Variants in TAS2R1 observed in about 807,000 individuals in gnomAD.
TAS2R1 encodes taste 2 receptor member 1.
For missense variants in TAS2R1, 370 were observed against 353.4 expected (o/e 1.05, Z -0.38); for synonymous variants, 141 against 134.2 (o/e 1.05, Z -0.35).
At chr5:9,808,206 A>T in the TAS2R1 span, among the ~76,000 whole-genome samples, 1 of 152,346 alleles carries the variant, frequency 6.6e-6, no homozygotes, top group African/African-American at 2.4e-5. Context: ...TGAACACTGA[A>T]TGTTGGTAGA....
At chr5:9,749,833 G>A in the TAS2R1 span, among the ~76,000 whole-genome samples, 2 of 152,166 alleles carry the variant, frequency 1.3e-5, no homozygotes, top group African/African-American at 2.4e-5. Flanking sequence ...TTGGAGAACA[G>A]GTGTCCTCCA....
chr5:9,727,632 G>A, the TAS2R1 span, among the ~76,000 whole-genome samples: 5 of 152,328 alleles, frequency 3.3e-5, no homozygotes, highest in East Asian at 9.7e-4. Flanking sequence ...TCTGAGCAAA[G>A]GGTGGCACTG....
intron 1 of TAS2R1, among the ~76,000 whole-genome samples, chr5:9,693,547 A>AAAAAAAAAG (rs1554054255): frequency 6.6e-5 from 9 of 136,742 alleles, no homozygotes; most frequent in Admixed American, 2.4e-4. Context: ...AAAAAAAAAA[A>AAAAAAAAAG]AGAGAGAGAA....
the TAS2R1 span, among the ~76,000 whole-genome samples, chr5:9,803,958 A>G: frequency 2.6e-5 from 4 of 152,320 alleles, no homozygotes; most frequent in African/African-American, 9.6e-5. Flanking sequence ...AGACTGGATA[A>G]GAATTCACCA....
At chr5:9,835,342 G>T in the TAS2R1 span, among the ~76,000 whole-genome samples, 11 of 152,208 alleles carry the variant, frequency 7.2e-5, no homozygotes, top group Admixed American at 2.0e-4. Context: ...CGCTACACTA[G>T]AAACACCTTT....
intron 2 of TAS2R1, among the ~76,000 whole-genome samples, chr5:9,643,616 A>G (rs145851826): frequency 1.3e-5 from 2 of 152,204 alleles, no homozygotes; most frequent in African/African-American, 4.8e-5. Context: ...TGCTAGGACA[A>G]TACAATGGCT....
the TAS2R1 span, among the ~76,000 whole-genome samples, chr5:9,799,735 T>TA: frequency 6.6e-6 from 1 of 152,196 alleles, no homozygotes; most frequent in Non-Finnish European, 1.5e-5. Context: ...TACTAAACTT[T>TA]AAAGTAACTG....
the TAS2R1 span, among the ~76,000 whole-genome samples, chr5:9,741,835 C>T: frequency 3.9e-5 from 6 of 152,208 alleles, no homozygotes; most frequent in Non-Finnish European, 7.4e-5. Context: ...ACAGCATAAA[C>T]GTCATTATTC....
At chr5:9,774,103 T>C in the TAS2R1 span, among the ~76,000 whole-genome samples, 2 of 152,232 alleles carry the variant, frequency 1.3e-5, no homozygotes, top group South Asian at 4.1e-4. Context: ...TGCTGCATTC[T>C]TTCTTACTCT....
intron 1 of TAS2R1, among the ~76,000 whole-genome samples, chr5:9,692,905 A>G (rs1307876111): frequency 6.6e-6 from 1 of 152,130 alleles, no homozygotes; most frequent in Non-Finnish European, 1.5e-5. Context: ...AAGGAAGATG[A>G]CAATATCTGG....
chr5:9,869,294 C>T, the TAS2R1 span, among the ~76,000 whole-genome samples: 2 of 152,154 alleles, frequency 1.3e-5, no homozygotes, highest in Non-Finnish European at 2.9e-5. Context: ...TTAATTGACT[C>T]AAAGTTTAGC....
chr5:9,783,044 C>G, the TAS2R1 span, among the ~76,000 whole-genome samples: 1 of 152,172 alleles, frequency 6.6e-6, no homozygotes, highest in Non-Finnish European at 1.5e-5. Flanking sequence ...CTTGCCTCCC[C>G]ATGGCTGCAG....
Position 9,629,002 on chromosome 5 carries a change from G to C in TAS2R1, c.*131C>G. 4 of 938,412 alleles carry C rather than the reference G, an allele frequency of 4.3e-6. No homozygotes were observed. The allele number at this position is 938,412 out of a possible 1,614,324, so 58.1% of individuals were successfully genotyped here. A position where few individuals can be genotyped will look rare whatever the true frequency, so the allele number is the denominator to read the frequency against. ...TAGCATATCCACAGAAATACCTCAGGCTGGATAAACAGGCCTGAAGGGGAC... is the reference window on the plus strand; with the variant it reads ...TAGCATATCCACAGAAATACCTCAGCCTGGATAAACAGGCCTGAAGGGGAC... On this transcript the variant is annotated 3_prime_UTR_variant, in exon 1 of 1. Transcript: ENST00000382492.
the TAS2R1 span, among the ~76,000 whole-genome samples, chr5:9,723,832 T>G: frequency 3.3e-5 from 5 of 152,222 alleles, no homozygotes; most frequent in African/African-American, 4.8e-5. Flanking sequence ...CTCTTAGTCC[T>G]GGGAGGAGCT....
At chr5:9,771,665 T>C in the TAS2R1 span, among the ~76,000 whole-genome samples, 1 of 152,122 alleles carries the variant, frequency 6.6e-6, no homozygotes, top group African/African-American at 2.4e-5. Flanking sequence ...CTGGGAGACT[T>C]TTTATTATGG....
the TAS2R1 span, among the ~76,000 whole-genome samples, chr5:9,902,142 G>T: frequency 1.3e-5 from 2 of 152,024 alleles, no homozygotes; most frequent in African/African-American, 4.8e-5. Context: ...CTTAAACATA[G>T]TGTGTCATTG....
chr5:9,802,852 G>A, the TAS2R1 span, among the ~76,000 whole-genome samples: 204 of 152,190 alleles, frequency 1.3e-3, no homozygotes, highest in Non-Finnish European at 2.5e-3. Context: ...GCAGTGAGCC[G>A]AGATCGCGCC....
chr5:9,893,953 T>C, the TAS2R1 span, among the ~76,000 whole-genome samples: 1 of 152,152 alleles, frequency 6.6e-6, no homozygotes, highest in Non-Finnish European at 1.5e-5. Context: ...AAAAAGTGAA[T>C]ATATGTTGAC....
the TAS2R1 span, among the ~76,000 whole-genome samples, chr5:9,781,706 T>C: frequency 6.6e-6 from 1 of 152,176 alleles, no homozygotes; most frequent in African/African-American, 2.4e-5. Context: ...GACCCTAGAA[T>C]ACTCCCTCTG....
Sources: allele counts gnomAD v4.1 joint callset (sites outside exome capture counted in the v4.1 genomes callset), GRCh38; gene constraint gnomAD v4.1.1; transcripts MANE v1.5; gene names NCBI Gene and HGNC (gene_info 2026-07-23, HGNC 2026-07-21).